CYB5R4: variants seen among roughly 807,000 people sequenced by gnomAD.
CYB5R4 encodes the protein N-terminal cytochrome b5 and cytochrome b5 oxidoreductase domain-containing protein.
In CYB5R4, 55 loss-of-function variants were observed where a neutral mutation model predicts 70.2. That is an observed-to-expected ratio of 0.78 (90% CI 0.63 to 0.98). The LOEUF (loss-of-function observed/expected upper bound fraction) is 0.98. Among genes scored for constraint, CYB5R4 ranks in the 50% least tolerant of loss-of-function variants. The pLI, the probability that CYB5R4 is intolerant of heterozygous loss-of-function variation, is 0.00. For missense variants in CYB5R4, 562 were observed against 612.6 expected, an observed-to-expected ratio of 0.92 and a Z score of 0.87; for synonymous variants, 197 against 199.5, an observed-to-expected ratio of 0.99 and a Z score of 0.11.
At chr6:83,946,401 G>A (rs1394585550) in intron 14 of CYB5R4, among the ~76,000 whole-genome samples, 2 of 151,936 alleles carry the variant, frequency 1.3e-5, no homozygotes, top group Non-Finnish European at 2.9e-5. Flanking sequence ...ACTCAAACTA[G>A]GTATTGATGG....
chr6:83,863,868 G>A (rs1050946280), intron 1 of CYB5R4, among the ~76,000 whole-genome samples: 2 of 152,158 alleles, frequency 1.3e-5, no homozygotes, highest in African/African-American at 4.8e-5. Flanking sequence ...TTATATGTCA[G>A]TACTTTGCCA....
intron 5 of CYB5R4, among the ~76,000 whole-genome samples, chr6:83,914,810 C>T (rs1056398129): frequency 2.0e-5 from 3 of 149,744 alleles, no homozygotes; most frequent in Admixed American, 6.7e-5. Context: ...GCCGGGATTA[C>T]GGGCGTGAGC....
rs566338719 is a variant in CYB5R4, at chr6:83,900,834, AT to A, written c.330+7213del. ...CCATTTGCTTGGTAGATCTTCCTCC[AT>A]CCCTTAATTTTGAGTCTATGTGTGT... On this transcript the variant is annotated intron_variant, in intron 3 of 15. Coordinates refer to ENST00000369681, the MANE Select transcript of CYB5R4 (RefSeq NM_016230.4). Among the ~76,000 whole-genome samples the A allele has an allele frequency of 9.2e-5, 14 of 152,046 alleles. No homozygotes were observed. In the South Asian group the frequency reaches 2.9e-3, roughly 32 times the overall value.
At chr6:83,911,890 A>G (rs2099464748) in intron 4 of CYB5R4, among the ~76,000 whole-genome samples, 2 of 152,046 alleles carry the variant, frequency 1.3e-5, no homozygotes, top group South Asian at 4.1e-4. Flanking sequence ...CAAAAAAGAA[A>G]AAAAAATTAC....
At chr6:83,930,549 CT>C (rs2099467989) in intron 10 of CYB5R4, among the ~76,000 whole-genome samples, 4 of 152,160 alleles carry the variant, frequency 2.6e-5, no homozygotes, top group Admixed American at 1.3e-4. Context: ...TCAGTCAAAT[CT>C]TCAGGCTCCA....
At chr6:83,871,975 A>G (rs2099457708) in intron 2 of CYB5R4, among the ~76,000 whole-genome samples, 1 of 151,462 alleles carries the variant, frequency 6.6e-6, no homozygotes, top group Non-Finnish European at 1.5e-5. Context: ...TTTCTGTTAC[A>G]TTGTTTGTTG....
chr6:83,870,834 T>C (rs1160307132), intron 2 of CYB5R4, among the ~76,000 whole-genome samples: 1 of 152,082 alleles, frequency 6.6e-6, no homozygotes, highest in Non-Finnish European at 1.5e-5. Flanking sequence ...AGTGAAAAAA[T>C]CTTTGTTGCC....
intron 2 of CYB5R4, among the ~76,000 whole-genome samples, chr6:83,871,093 C>G (rs947971596): frequency 6.6e-6 from 1 of 151,794 alleles, no homozygotes; most frequent in East Asian, 1.9e-4. Context: ...TCTCCTGCCC[C>G]AGCCTCTTGA....
chr6:83,889,631 G>A (rs935788213), intron 2 of CYB5R4, among the ~76,000 whole-genome samples: 2 of 152,246 alleles, frequency 1.3e-5, no homozygotes, highest in Non-Finnish European at 1.5e-5. Flanking sequence ...AGCACTGTAC[G>A]TCATGCCTTC....
In CYB5R4 at chr6:83,924,609, T is replaced by G. The variant is rs1562840740; in HGVS notation, c.814+17T>G. 1 of 1,608,122 alleles carries G rather than the reference T, an allele frequency of 6.2e-7. No homozygotes were observed. Among genetic ancestry groups the G allele is most frequent in the East Asian group, 2.2e-5 (1 of 44,698 alleles). ...AAGATACAGGTATGCTGTGTTCTTT[T>G]GTTACGTTAATTTCACATTCATGAA... On this transcript the variant is annotated intron_variant, in intron 10 of 15. Coordinates refer to ENST00000369681, the MANE Select transcript of CYB5R4 (RefSeq NM_016230.4).
chr6:83,889,189 G>A (rs180990115), intron 2 of CYB5R4, among the ~76,000 whole-genome samples: 7 of 152,330 alleles, frequency 4.6e-5, no homozygotes. Context: ...AAGTTATCTA[G>A]AAGATCTAGC....
At position 83,960,460 on chromosome 6, in the gene CYB5R4, A is replaced by G. The variant is rs2099473152; in HGVS notation, c.*582A>G. ...GGTAGAAATGTGGTTGAATGCAACAATATTGGGCCAGCGTCTCAAGGGGAA... is the reference window on the plus strand; with the variant it reads ...GGTAGAAATGTGGTTGAATGCAACAGTATTGGGCCAGCGTCTCAAGGGGAA... On this transcript the variant is annotated 3_prime_UTR_variant, in exon 16 of 16. Transcript: ENST00000369681. 6.6e-6 allele frequency: 1 copy of G among 152,342 alleles called. No individual in the cohort carries two copies. Among genetic ancestry groups the G allele is most frequent in the Non-Finnish European group, 1.5e-5 (1 of 68,066 alleles). 9.4% of individuals were successfully genotyped at this position (152,342 alleles called of 1,614,324 possible). A position where few individuals can be genotyped will look rare whatever the true frequency, so the allele number is the denominator to read the frequency against.
At chr6:83,891,484 G>A (rs1039553200) in intron 2 of CYB5R4, among the ~76,000 whole-genome samples, 2 of 152,182 alleles carry the variant, frequency 1.3e-5, no homozygotes, top group African/African-American at 4.8e-5. Context: ...GGGAGATAAG[G>A]AAGGAGAGAA....
At chr6:83,880,747 A>G (rs946904848) in intron 2 of CYB5R4, among the ~76,000 whole-genome samples, 29 of 152,180 alleles carry the variant, frequency 1.9e-4, no homozygotes, top group African/African-American at 7.0e-4. Flanking sequence ...ATGATCTTTG[A>G]TAATTATGCC....
intron 6 of CYB5R4, among the ~76,000 whole-genome samples, chr6:83,918,537 G>A (rs544407316): frequency 1.7e-4 from 26 of 151,816 alleles, no homozygotes; most frequent in African/African-American, 4.8e-4. Flanking sequence ...AATATTCTGC[G>A]AAAGCATTTT....
At chr6:83,893,958 C>T (rs1202330568) in intron 3 of CYB5R4, among the ~76,000 whole-genome samples, 3 of 152,098 alleles carry the variant, frequency 2.0e-5, no homozygotes, top group Non-Finnish European at 2.9e-5. Context: ...CATTGGGATC[C>T]GCTGCTAACT....
chr6:83,913,976 T>A (rs1452070110), intron 4 of CYB5R4, among the ~76,000 whole-genome samples: 8 of 152,190 alleles, frequency 5.3e-5, no homozygotes. Context: ...ATTTTATGCA[T>A]TGAACTCAGT....
At chr6:83,907,716 AG>A (rs2099464026) in intron 3 of CYB5R4, among the ~76,000 whole-genome samples, 1 of 152,162 alleles carries the variant, frequency 6.6e-6, no homozygotes, top group Non-Finnish European at 1.5e-5. Flanking sequence ...CTTGTAAGTG[AG>A]AACATGTAGT....
intron 2 of CYB5R4, among the ~76,000 whole-genome samples, chr6:83,873,854 G>A (rs1467869902): frequency 2.6e-5 from 4 of 152,222 alleles, no homozygotes; most frequent in Admixed American, 2.6e-4. Flanking sequence ...GCAGAAGACT[G>A]AGCTGAGACC....
Sources: gnomAD v4.1 joint callset for allele counts (sites outside exome capture counted in the v4.1 genomes callset) on GRCh38, gnomAD v4.1.1 for gene constraint, MANE v1.5 for transcripts, NCBI Gene and HGNC (gene_info 2026-07-23, HGNC 2026-07-21) for gene names.